Variants in CEP63 observed in about 807,000 individuals in gnomAD.
The protein encoded by CEP63 is centrosomal protein 63.
Under a neutral mutation model 89.1 loss-of-function variants are expected in CEP63, and 84 were observed. The observed-to-expected ratio is 0.94, with a 90% confidence interval of 0.79 to 1.13. The LOEUF (loss-of-function observed/expected upper bound fraction) is 1.13. Ranked by LOEUF, CEP63 falls within the 50% of genes most tolerant of loss-of-function variation. CEP63 has a pLI of 0.00. For missense variants in CEP63, 838 were observed against 813.3 expected (o/e 1.03, Z -0.37); for synonymous variants, 267 against 272.5 (o/e 0.98, Z 0.20).
chr3:134,603,702 G>A, the CEP63 span: 31 of 1,613,878 alleles, frequency 1.9e-5, no homozygotes, highest in East Asian at 4.5e-5. Flanking sequence ...AGTAGCCCTC[G>A]TGGTTCAGGG....
chr3:134,658,021 G>A, the CEP63 span, among the ~76,000 whole-genome samples: 8 of 152,116 alleles, frequency 5.3e-5, no homozygotes, highest in African/African-American at 1.7e-4. Flanking sequence ...CTCAGCCTCC[G>A]GAGTAGCTGG....
intron 10 of CEP63, among the ~76,000 whole-genome samples, chr3:134,581,887 G>A (rs1394239030): frequency 1.3e-5 from 2 of 151,544 alleles, no homozygotes; most frequent in Non-Finnish European, 1.5e-5. Flanking sequence ...GTGTTAGCCA[G>A]GATGGTCTCG....
At chr3:134,777,567 AACTTTC>A in the CEP63 span, among the ~76,000 whole-genome samples, 1 of 150,374 alleles carries the variant, frequency 6.7e-6, no homozygotes, top group Admixed American at 6.6e-5. Context: ...TGTGGTTTCT[AACTTTC>A]ACTTTCGGTA....
At chr3:134,772,505 C>G in the CEP63 span, among the ~76,000 whole-genome samples, 4 of 151,772 alleles carry the variant, frequency 2.6e-5, no homozygotes, top group Non-Finnish European at 5.9e-5. Flanking sequence ...CTCCCCTCTT[C>G]CCCTCCCCTC....
At chr3:134,609,088 G>C in the CEP63 span, among the ~76,000 whole-genome samples, 5 of 152,198 alleles carry the variant, frequency 3.3e-5, no homozygotes, top group Non-Finnish European at 7.3e-5. Context: ...CTAGGCTGTC[G>C]AGGGGAAAAC....
At chr3:134,576,813 G>A (rs1449129413), downstream of CEP63, among the ~76,000 whole-genome samples, 5 of 152,110 alleles carry the variant, frequency 3.3e-5, no homozygotes, top group Admixed American at 1.3e-4. Context: ...AGGGGCACGC[G>A]TGGGGTGACT....
chr3:134,654,702 C>T, the CEP63 span, among the ~76,000 whole-genome samples: 121 of 152,330 alleles, frequency 7.9e-4, 1 homozygote, highest in African/African-American at 2.8e-3. Flanking sequence ...TGGAAAACCC[C>T]TTTGGACTTC....
intron 11 of CEP63, among the ~76,000 whole-genome samples, chr3:134,570,182 A>G (rs2110275446): frequency 6.6e-6 from 1 of 152,264 alleles, no homozygotes; most frequent in South Asian, 2.1e-4. Context: ...TATTTTCCCC[A>G]TTGTCTTGGG....
chr3:134,775,826 A>T, the CEP63 span, among the ~76,000 whole-genome samples: 1 of 152,154 alleles, frequency 6.6e-6, no homozygotes, highest in Admixed American at 6.5e-5. Flanking sequence ...TCCATCATTC[A>T]TTTGATGTGG....
intron 12 of CEP63, chr3:134,553,557 G>A (rs1367400566): frequency 6.6e-6 from 1 of 152,104 alleles, no homozygotes; most frequent in African/African-American, 2.4e-5. Context: ...AGTAAACAAA[G>A]AAAACTGTTC....
intron 3 of CEP63, among the ~76,000 whole-genome samples, chr3:134,518,658 T>C (rs1304814473): frequency 1.3e-5 from 2 of 152,192 alleles, no homozygotes; most frequent in African/African-American, 4.8e-5. Flanking sequence ...ATGTTAGCTA[T>C]GTGTGTATAC....
rs756053537 is a variant in CEP63 at position 134,551,986 on chromosome 3, A to G, written c.1441A>G (p.Met481Val). ...LENRHLSEMV[M>V]KLELGLHEAK... ...AAATCGTCATCTTTCTGAAATGGTG[A>G]TGAAATTGGAATTGGGTTTACATGA... is the stretch of plus-strand genomic sequence containing the variant. Residue 481 changes from methionine (M) to valine (V), a missense_variant, in exon 12 of 15, where the codon ATG becomes GTG. Coordinates refer to ENST00000675561, the MANE Select transcript of CEP63 (RefSeq NM_001353108.3). 6.2e-7 allele frequency: 1 copy of G among 1,604,912 alleles called. No homozygotes were observed. Among genetic ancestry groups the G allele is most frequent in the Non-Finnish European group, 8.5e-7 (1 of 1,173,764 alleles).
At chr3:134,765,286 C>T in the CEP63 span, among the ~76,000 whole-genome samples, 1 of 152,230 alleles carries the variant, frequency 6.6e-6, no homozygotes, top group African/African-American at 2.4e-5. Context: ...TTGGTAAATA[C>T]TTACTCATCA....
intron 10 of CEP63, 22 bp from the exon 11 acceptor site, chr3:134,550,041 T>C (rs1954460725): frequency 6.3e-7 from 1 of 1,584,756 alleles, no homozygotes; most frequent in Non-Finnish European, 8.7e-7. Flanking sequence ...CTTTTGGTGC[T>C]TTCTTTTCTG....
At chr3:134,744,981 G>A in the CEP63 span, among the ~76,000 whole-genome samples, 1 of 152,214 alleles carries the variant, frequency 6.6e-6, no homozygotes, top group African/African-American at 2.4e-5. Context: ...ATAATTTGAT[G>A]TTTTGACATA....
intron 12 of CEP63, among the ~76,000 whole-genome samples, chr3:134,553,956 G>T (rs1383548033): frequency 6.6e-6 from 1 of 152,042 alleles, no homozygotes; most frequent in Non-Finnish European, 1.5e-5. Flanking sequence ...GTTAATTTTT[G>T]ATTTTATGAA....
chr3:134,569,205 C>G (rs1034882983), downstream of CEP63, among the ~76,000 whole-genome samples: 3 of 152,224 alleles, frequency 2.0e-5, no homozygotes, highest in Non-Finnish European at 2.9e-5. Flanking sequence ...TCTCACATAT[C>G]TTGTGTCCTC....
At position 134,545,817 on chromosome 3, in the gene CEP63, G is replaced by C. The variant is rs1268830738; in HGVS notation, c.787G>C (p.Glu263Gln). ...EKLRESEKLL[E>Q]ALQEEKRELK... is the part of the protein sequence containing the mutation. ...ATTGAGGGAATCTGAAAAACTATTAGAGGTATGTTTTAAAATCACTATAAT... is the reference window on the plus strand; with the variant it reads ...ATTGAGGGAATCTGAAAAACTATTACAGGTATGTTTTAAAATCACTATAAT... Residue 263 changes from glutamate to glutamine, a missense_variant and splice_region_variant, in exon 7 of 15, where the codon GAG becomes CAG. Physicochemically the swap from Glu to Gln is conservative, Grantham distance 29. Transcript: ENST00000675561. 6.2e-7 allele frequency: 1 copy of C among 1,605,694 alleles called. No individual in the cohort carries two copies. Among genetic ancestry groups the C allele is most frequent in the African/African-American group, 1.3e-5 (1 of 74,776 alleles).
intron 3 of CEP63, among the ~76,000 whole-genome samples, chr3:134,525,173 G>T (rs1236078762): frequency 6.6e-6 from 1 of 152,096 alleles, no homozygotes; most frequent in African/African-American, 2.4e-5. Flanking sequence ...GTACATAGAG[G>T]TGTTTATAGT....
Sources: gnomAD v4.1 joint callset for allele counts (sites outside exome capture counted in the v4.1 genomes callset) on GRCh38, gnomAD v4.1.1 for gene constraint, MANE v1.5 for transcripts, NCBI Gene and HGNC (gene_info 2026-07-23, HGNC 2026-07-21) for gene names.